Variants in USP7 observed in about 807,000 individuals in gnomAD.
USP7 encodes ubiquitin specific peptidase 7, also known as ubiquitin C-terminal hydrolase 7.
In USP7, 9 loss-of-function variants were observed where a neutral mutation model predicts 162.9. That is an observed-to-expected ratio of 0.06 (90% CI 0.03 to 0.10). The LOEUF is 0.10. USP7 is among the 10% of genes least tolerant of loss of function. The pLI is 1.00. For missense variants in USP7, 715 were observed against 1,373.7 expected (o/e 0.52, Z 7.58); for synonymous variants, 562 against 475.9 (o/e 1.18, Z -2.35).
intron 1 of USP7, among the ~76,000 whole-genome samples, chr16:8,955,096 T>C (rs1194841908): frequency 6.6e-6 from 1 of 152,280 alleles, no homozygotes; most frequent in Non-Finnish European, 1.5e-5. Flanking sequence ...TCTATGAATC[T>C]GCAGTTTCTG....
At chr16:8,938,631 G>A (rs1422019120) in intron 1 of USP7, among the ~76,000 whole-genome samples, 1 of 151,520 alleles carries the variant, frequency 6.6e-6, no homozygotes, top group Non-Finnish European at 1.5e-5. Flanking sequence ...AGAATGGCAT[G>A]AACCTGGGAA....
intron 12 of USP7, among the ~76,000 whole-genome samples, 188 bp downstream of exon 12, chr16:8,908,153 G>A (rs1596363808): frequency 1.3e-5 from 2 of 152,328 alleles, no homozygotes; most frequent in Admixed American, 1.3e-4. Flanking sequence ...CTCGGCAGAG[G>A]TTGACCTCTG....
intron 1 of USP7, among the ~76,000 whole-genome samples, chr16:8,950,829 C>T (rs1159454584): frequency 6.6e-6 from 1 of 152,210 alleles, no homozygotes; most frequent in African/African-American, 2.4e-5. Context: ...TCTGAGCGGG[C>T]ACTATTTGTC....
chr16:8,896,406 A>C (rs1489368551), intron 26 of USP7, among the ~76,000 whole-genome samples: 1 of 152,156 alleles, frequency 6.6e-6, no homozygotes, highest in Non-Finnish European at 1.5e-5. Context: ...ACTGTTTAAT[A>C]ATTGTTTTAT....
chr16:8,908,234 A>G, intron 12 of USP7, 107 bp downstream of exon 12: 1 of 902,836 alleles, frequency 1.1e-6, no homozygotes. Context: ...AAATCTAAAT[A>G]AATCAGATGT....
intron 22 of USP7, 188 bp downstream of exon 22, chr16:8,899,416 G>C (rs1056700399): frequency 2.4e-6 from 2 of 837,026 alleles, no homozygotes. Flanking sequence ...GAGGTCTACA[G>C]GTTCTTTTCT....
rs530489899 is a variant in USP7 at position 8,935,634 on chromosome 16, A to G, written c.80-5237T>C. ...GATGAAAAACGTCTATAGGAAATAA[A>G]GCAATTACCATCCCATAATACGCAT... On this transcript the variant is annotated intron_variant, in intron 1 of 30. Coordinates refer to ENST00000344836, the MANE Select transcript of USP7 (RefSeq NM_003470.3). 2.6e-5 allele frequency: 4 copies of G among 152,372 alleles called. No homozygotes were observed. The South Asian group carries it at 8.3e-4, about 32-fold the overall frequency. 9.4% of individuals were successfully genotyped at this position (152,372 alleles called of 1,614,324 possible).
intron 1 of USP7, among the ~76,000 whole-genome samples, chr16:8,959,150 G>A (rs1015104354): frequency 3.9e-5 from 6 of 152,080 alleles, no homozygotes; most frequent in Admixed American, 2.0e-4. Flanking sequence ...CAACCTTGAC[G>A]GGCATGAATG....
intron 27 of USP7, 54 bp from the exon 28 acceptor site, chr16:8,895,204 G>A (rs770910286): frequency 3.0e-5 from 48 of 1,612,670 alleles, no homozygotes; most frequent in Non-Finnish European, 4.0e-5. Flanking sequence ...TGTGGTCAAA[G>A]TGTCCACATC....
intron 10 of USP7, among the ~76,000 whole-genome samples, chr16:8,913,548 G>C (rs188209985): frequency 7.2e-5 from 11 of 152,098 alleles, no homozygotes; most frequent in African/African-American, 2.7e-4. Context: ...TGCCAACCTA[G>C]AAGTCTACAC....
intron 1 of USP7, among the ~76,000 whole-genome samples, chr16:8,955,271 G>A (rs1183059143): frequency 6.6e-6 from 1 of 152,092 alleles, no homozygotes; most frequent in Non-Finnish European, 1.5e-5. Context: ...ACAGTATTGG[G>A]GCCAGTGTCT....
At chr16:8,897,722 A>ATAG (rs71155415) in intron 25 of USP7, among the ~76,000 whole-genome samples, 1 of 21,630 alleles carries the variant, frequency 4.6e-5, no homozygotes, top group Non-Finnish European at 7.4e-5. Flanking sequence ...AAAAAAAAAA[A>ATAG]AAAAATATAT....
chr16:8,931,545 C>T (rs573657048), intron 1 of USP7, among the ~76,000 whole-genome samples: 3 of 152,214 alleles, frequency 2.0e-5, no homozygotes, highest in African/African-American at 2.4e-5. Flanking sequence ...TGTAAAGATC[C>T]GGGAAAGTGT....
intron 1 of USP7, among the ~76,000 whole-genome samples, chr16:8,940,971 G>A (rs945241684): frequency 1.3e-5 from 2 of 152,192 alleles, no homozygotes; most frequent in Non-Finnish European, 2.9e-5. Context: ...TAGCAGGACA[G>A]AATTCTCTCT....
chr16:8,946,489 TAC>T (rs1899287670), intron 1 of USP7, among the ~76,000 whole-genome samples: 1 of 152,206 alleles, frequency 6.6e-6, no homozygotes, highest in African/African-American at 2.4e-5. Flanking sequence ...GTTAAGTGAA[TAC>T]ACACGAGCTA....
intron 1 of USP7, among the ~76,000 whole-genome samples, chr16:8,934,835 G>A (rs1159088271): frequency 1.3e-5 from 2 of 152,210 alleles, no homozygotes; most frequent in Non-Finnish European, 2.9e-5. Context: ...TGTCCAAGCA[G>A]CCACCAAGGT....
chr16:8,899,875 T>G, intron 21 of USP7, 118 bp from the exon 22 acceptor site: 1 of 1,287,220 alleles, frequency 7.8e-7, no homozygotes, highest in East Asian at 2.3e-5. Context: ...CAAGATAAAT[T>G]CAGGTTCCCC....
At chr16:8,946,062 G>A (rs1209316135) in intron 1 of USP7, among the ~76,000 whole-genome samples, 2 of 152,072 alleles carry the variant, frequency 1.3e-5, no homozygotes, top group South Asian at 2.1e-4. Flanking sequence ...GCAATTCAAC[G>A]GACAAAGACA....
chr16:8,931,396 C>G lies in USP7; in HGVS notation c.80-999G>C, dbSNP rs144266730. ...AGAGATGTGGTTTCACCATGTCGGT[C>G]AACTGGTCTCGAACTCCTGGCCTCA... On this transcript the variant is annotated intron_variant, in intron 1 of 30. Coordinates refer to ENST00000344836, the MANE Select transcript of USP7 (RefSeq NM_003470.3). Among the ~76,000 whole-genome samples the G allele has an allele frequency of 4.5e-3, 688 of 152,258 alleles. 4 individuals carry two copies. The highest frequency in any genetic ancestry group is 0.016 in the African/African-American group (654 of 41,532).
Sources: gnomAD v4.1 joint callset for allele counts (sites outside exome capture counted in the v4.1 genomes callset) on GRCh38, gnomAD v4.1.1 for gene constraint, MANE v1.5 for transcripts, NCBI Gene and HGNC (gene_info 2026-07-23, HGNC 2026-07-21) for gene names.